MYT1L: variants seen among roughly 807,000 people sequenced by gnomAD.
MYT1L encodes the protein myelin transcription factor 1-like protein.
MYT1L carries 12 observed loss-of-function variants against 126.7 expected under a neutral mutation model. The ratio of observed to expected loss-of-function variants is 0.09; its 90% CI spans 0.06 to 0.15. MYT1L has a LOEUF of 0.15. MYT1L is among the 10% of genes least tolerant of loss of function. MYT1L has a pLI of 1.00. For missense variants in MYT1L, 979 were observed against 1,585.2 expected (o/e 0.62, Z 6.49); for synonymous variants, 541 against 604.2 (o/e 0.90, Z 1.53).
chr2:2,146,719 C>T (rs2084932762), intron 3 of MYT1L, among the ~76,000 whole-genome samples: 1 of 152,198 alleles, frequency 6.6e-6, no homozygotes, highest in Admixed American at 6.5e-5. Context: ...TGTTTCCATG[C>T]TTACTCCTAA....
At chr2:1,795,162 C>T (rs998210960) in intron 23 of MYT1L, among the ~76,000 whole-genome samples, 55 of 152,174 alleles carry the variant, frequency 3.6e-4, no homozygotes, top group Non-Finnish European at 2.4e-4. Flanking sequence ...CACTGCTGCC[C>T]GTTCCTTACT....
intron 2 of MYT1L, among the ~76,000 whole-genome samples, chr2:2,201,618 A>G (rs976804214): frequency 6.6e-6 from 1 of 152,000 alleles, no homozygotes; most frequent in Non-Finnish European, 1.5e-5. Context: ...GAATCACTTG[A>G]ACCCAGGAGG....
Position 1,889,562 on chromosome 2 carries a change from G to C in MYT1L, c.2284-85C>G, listed in dbSNP as rs13417870. 56,376 of 1,110,462 alleles carry C rather than the reference G, an allele frequency of 0.051. 1,658 individuals are homozygous for C. The highest frequency in any genetic ancestry group is 0.057 in the Non-Finnish European group (44,748 of 780,308). 68.8% of individuals were successfully genotyped at this position (1,110,462 alleles called of 1,614,324 possible). A position where few individuals can be genotyped will look rare whatever the true frequency, so the allele number is the denominator to read the frequency against. Reference sequence around the variant, plus strand: ...CTTCCTCCCAGATTACAGTCCTGCCGTCAGCCAGTGTAGCGTTCAACACAG... The same window carrying C: ...CTTCCTCCCAGATTACAGTCCTGCCCTCAGCCAGTGTAGCGTTCAACACAG... On this transcript the variant is annotated intron_variant, in intron 15 of 24. Coordinates refer to ENST00000647738, the MANE Select transcript of MYT1L (RefSeq NM_001303052.2). The surrounding 1 kb of genome is among the most constrained non-coding windows in gnomAD (Gnocchi z 4.1).
intron 2 of MYT1L, among the ~76,000 whole-genome samples, chr2:2,275,951 C>T (rs1188006762): frequency 6.6e-6 from 1 of 152,174 alleles, no homozygotes; most frequent in Non-Finnish European, 1.5e-5. Flanking sequence ...GATCGACCTC[C>T]ACCTTGCCCC....
At chr2:1,978,141 A>C (rs2060324780) in intron 8 of MYT1L, among the ~76,000 whole-genome samples, 2 of 152,208 alleles carry the variant, frequency 1.3e-5, no homozygotes, top group Admixed American at 1.3e-4. Context: ...GATTTTACTA[A>C]AGAACAATCA....
In MYT1L at chr2:1,889,371, G is replaced by A. The variant is rs750013534; in HGVS notation, c.2390C>T (p.Ser797Phe). Reference protein sequence around the residue: ...CPILTPLEPMSPQQQAVMNNR... With the variant: ...CPILTPLEPMFPQQQAVMNNR... ...GTTCATCACTGCCTGCTGCTGGGGG[G>A]ACATGGGCTCCAGAGGGGTCAGGAT... is the stretch of plus-strand genomic sequence containing the variant. Residue 797 changes from serine to phenylalanine, a missense_variant, in exon 16 of 25, where the codon TCC becomes TTC. Physicochemically the swap from Ser to Phe is radical, Grantham distance 155. Coordinates refer to ENST00000647738, the MANE Select transcript of MYT1L (RefSeq NM_001303052.2). This position sits in a 1 kb window ranked among gnomAD's most constrained non-coding sequence, Gnocchi z 4.1. 1.9e-6 allele frequency: 3 copies of A among 1,613,806 alleles called. No individual in the cohort carries two copies. Among genetic ancestry groups the A allele is most frequent in the Admixed American group, 1.7e-5 (1 of 60,000 alleles).
chr2:2,288,341 T>C (rs111550833), intron 1 of MYT1L, among the ~76,000 whole-genome samples: 363 of 152,244 alleles, frequency 2.4e-3, no homozygotes, highest in African/African-American at 8.1e-3. Flanking sequence ...CAAACCTCAA[T>C]GCAATTAAAA....
intron 3 of MYT1L, among the ~76,000 whole-genome samples, chr2:2,103,954 T>C (rs1177997160): frequency 6.6e-6 from 1 of 152,190 alleles, no homozygotes; most frequent in Non-Finnish European, 1.5e-5. Context: ...AGGAGCTGAC[T>C]CCAAGCCTCC....
At position 2,091,290 on chromosome 2, in the gene MYT1L, A is replaced by G. The variant is rs114901860; in HGVS notation, c.-303-37167T>C. Among the ~76,000 whole-genome samples, 794 of 152,358 alleles carry G rather than the reference A, an allele frequency of 5.2e-3. 5 individuals are homozygous for G. Among genetic ancestry groups the G allele is most frequent in the African/African-American group, 0.018 (767 of 41,588 alleles). ...ATGTTGTGTTTCAGGCATGAAAATG[A>G]CATTAATCTCCTTGCACATCCCCAT... On this transcript the variant is annotated intron_variant, in intron 3 of 24. Coordinates refer to ENST00000647738, the MANE Select transcript of MYT1L (RefSeq NM_001303052.2).
In MYT1L at chr2:1,807,641, G is replaced by T. The variant is rs551022511; in HGVS notation, c.3172+1435C>A. Among the ~76,000 whole-genome samples the T allele has an allele frequency of 3.3e-5, 5 of 152,278 alleles. No individual in the cohort carries two copies. The East Asian group carries it at 9.7e-4, about 29-fold the overall frequency. On this transcript the variant is annotated intron_variant, in intron 22 of 24. Transcript: ENST00000647738. ...GCTGAGAAGGGGAGGCTGGGCTTCT[G>T]CTGTGAAGGGGACCAGTCTGCTCAA...
intron 2 of MYT1L, among the ~76,000 whole-genome samples, chr2:2,215,336 A>G (rs929911205): frequency 6.6e-6 from 1 of 152,220 alleles, no homozygotes; most frequent in African/African-American, 2.4e-5. Flanking sequence ...TAGGTTAAAC[A>G]TAAAAAGATG....
chr2:1,907,261 T>C (rs191018938), intron 13 of MYT1L, among the ~76,000 whole-genome samples: 263 of 152,156 alleles, frequency 1.7e-3, no homozygotes, highest in Admixed American at 3.1e-3. Context: ...GAAAGGGATG[T>C]TTGAAGTAAG....
At chr2:1,965,504 C>G (rs914722776) in intron 8 of MYT1L, among the ~76,000 whole-genome samples, 1 of 152,216 alleles carries the variant, frequency 6.6e-6, no homozygotes, top group Admixed American at 6.5e-5. Context: ...CCCAGGCACT[C>G]TGTGACTTGC....
chr2:1,962,979 G>C (rs528660537), intron 8 of MYT1L, among the ~76,000 whole-genome samples: 57 of 152,308 alleles, frequency 3.7e-4, no homozygotes, highest in Admixed American at 1.0e-3. Flanking sequence ...AACTGGAATG[G>C]TGAATCCTTC....
At chr2:2,212,094 G>C (rs987604705) in intron 2 of MYT1L, among the ~76,000 whole-genome samples, 46 of 152,304 alleles carry the variant, frequency 3.0e-4, no homozygotes, top group African/African-American at 1.1e-3. Flanking sequence ...CATGACTGAT[G>C]CTGGGAAAAT....
chr2:1,855,977 T>C lies in MYT1L; in HGVS notation c.2712-4274A>G, dbSNP rs544685965. Among the ~76,000 whole-genome samples the C allele has an allele frequency of 7.9e-5, 12 of 152,354 alleles. 1 individual carries two copies. In the East Asian group the frequency reaches 2.3e-3, roughly 29 times the overall value. On this transcript the variant is annotated intron_variant, in intron 18 of 24. Transcript: ENST00000647738. ...TATCTGGTTGAAAAAATGTGTCTTG[T>C]ATAGACATTTACGAGTGGTGATGGA...
Position 1,943,382 on chromosome 2 carries a change from CTG to C in MYT1L, c.153-50_153-49del. 5 of 1,473,712 alleles carry C rather than the reference CTG, an allele frequency of 3.4e-6. No individual in the cohort carries two copies. The South Asian group carries it at 7.2e-5, about 21-fold the overall frequency. 91.3% of individuals were successfully genotyped at this position (1,473,712 alleles called of 1,614,324 possible). ...CAGGGGAGAGAGAGAAAAAAAATAT[CTG>C]TGTTACTGTCTTTTAAAATCAGACC... On this transcript the variant is annotated intron_variant, in intron 8 of 24. Coordinates refer to ENST00000647738, the MANE Select transcript of MYT1L (RefSeq NM_001303052.2). The surrounding 1 kb of genome is among the most constrained non-coding windows in gnomAD (Gnocchi z 4.4).
intron 4 of MYT1L, among the ~76,000 whole-genome samples, chr2:2,001,590 T>C (rs767900657): frequency 4.2e-4 from 64 of 152,166 alleles, no homozygotes; most frequent in Non-Finnish European, 8.1e-4. Context: ...CTCACAACTG[T>C]ATAAAGTGGG....
chr2:2,183,399 C>A (rs1205485588), intron 2 of MYT1L, among the ~76,000 whole-genome samples: 3 of 151,932 alleles, frequency 2.0e-5, no homozygotes, highest in Non-Finnish European at 2.9e-5. Context: ...TGGGGCCAGG[C>A]GGTAGGAAGA....
Sources: allele counts gnomAD v4.1 joint callset (sites outside exome capture counted in the v4.1 genomes callset), GRCh38; gene constraint gnomAD v4.1.1; non-coding constraint Gnocchi (gnomAD v3.1); transcripts MANE v1.5; gene names NCBI Gene and HGNC (gene_info 2026-07-23, HGNC 2026-07-21).